Variants in GRIA4 observed in about 807,000 individuals in gnomAD.
The protein encoded by GRIA4 is glutamate ionotropic receptor AMPA type subunit 4, also known as glutamate receptor 4.
A neutral mutation model predicts 104.0 loss-of-function variants in GRIA4; 34 were observed. The observed-to-expected ratio is 0.33, with a 90% CI of 0.25 to 0.44. GRIA4 has a LOEUF of 0.44. GRIA4 is among the 20% of genes least tolerant of loss of function. The probability of loss-of-function intolerance (pLI) is 1.00; values close to 1 mark genes in which losing one functional copy is unlikely to be tolerated. For synonymous variants in GRIA4, 386 were observed against 381.9 expected (o/e 1.01, Z -0.13); for missense variants, 750 against 1,096.5 (o/e 0.68, Z 4.46).
At chr11:105,619,296 A>G (rs747676013) in intron 3 of GRIA4, among the ~76,000 whole-genome samples, 26 of 152,120 alleles carry the variant, frequency 1.7e-4, no homozygotes, top group Non-Finnish European at 2.8e-4. Flanking sequence ...TATATCACAC[A>G]TAAATTTTAT....
intron 4 of GRIA4, among the ~76,000 whole-genome samples, chr11:105,792,472 C>A (rs1942256791): frequency 6.6e-6 from 1 of 151,950 alleles, no homozygotes; most frequent in African/African-American, 2.4e-5. Flanking sequence ...TAAGAAGCAC[C>A]ATTTCTTCAA....
intron 5 of GRIA4, among the ~76,000 whole-genome samples, chr11:105,865,804 C>T (rs1945384276): frequency 6.6e-6 from 1 of 152,148 alleles, no homozygotes; most frequent in South Asian, 2.1e-4. Flanking sequence ...AAAGCAACAA[C>T]AAATCTTATC....
In GRIA4 at chr11:105,924,640, G is replaced by T. The variant is rs1412893129; in HGVS notation, c.1718G>T (p.Trp573Leu). The T allele has an allele frequency of 6.2e-7, 1 of 1,612,980 alleles. No homozygotes were observed. The highest frequency in any genetic ancestry group is 8.5e-7 in the Non-Finnish European group (1 of 1,179,436). ...GTTAGTAGATTTAGTCCATATGAGT[G>T]GCACACAGAAGAGCCAGAGGACGGA... is the stretch of plus-strand genomic sequence containing the variant. ...FLVSRFSPYE[W>L]HTEEPEDGKE... The change falls in exon 12 of 17, where the codon TGG becomes TTG. Residue 573 changes from tryptophan (W) to leucine (L), a missense_variant. By Grantham distance (61) the Trp-to-Leu change is moderately conservative. This residue lies in a region of GRIA4 where 272 missense variants were observed against 524.5 expected (regional missense o/e 0.52). Transcript: ENST00000282499.
intron 5 of GRIA4, among the ~76,000 whole-genome samples, chr11:105,870,656 A>G (rs1413169951): frequency 6.6e-6 from 1 of 152,070 alleles, no homozygotes; most frequent in Non-Finnish European, 1.5e-5. Context: ...GAACAGGGTA[A>G]TAGGAGAGAG....
intron 4 of GRIA4, among the ~76,000 whole-genome samples, chr11:105,856,379 G>A (rs1415803537): frequency 6.6e-6 from 1 of 152,102 alleles, no homozygotes; most frequent in Non-Finnish European, 1.5e-5. Context: ...CACAGCCCAT[G>A]CCAATTCTCC....
intron 3 of GRIA4, among the ~76,000 whole-genome samples, chr11:105,742,864 G>A (rs1051788238): frequency 6.6e-6 from 1 of 152,040 alleles, no homozygotes; most frequent in Non-Finnish European, 1.5e-5. Flanking sequence ...AGCCTCCTGA[G>A]TAGCTGGGAT....
intron 5 of GRIA4, among the ~76,000 whole-genome samples, chr11:105,866,259 G>T (rs1945401478): frequency 6.6e-6 from 1 of 152,056 alleles, no homozygotes; most frequent in Non-Finnish European, 1.5e-5. Flanking sequence ...AGTCAATAAT[G>T]CTGTTTGCAG....
intron 4 of GRIA4, among the ~76,000 whole-genome samples, chr11:105,841,378 T>C (rs1414948663): frequency 2.0e-5 from 3 of 152,204 alleles, no homozygotes; most frequent in Non-Finnish European, 4.4e-5. Context: ...TGTGACCTTG[T>C]GGGCAGAAGG....
At chr11:105,962,240 AT>A (rs1948762330) in intron 14 of GRIA4, among the ~76,000 whole-genome samples, 1 of 152,190 alleles carries the variant, frequency 6.6e-6, no homozygotes, top group Non-Finnish European at 1.5e-5. Context: ...CCAGATCTAT[AT>A]AATTTAATGA....
intron 14 of GRIA4, among the ~76,000 whole-genome samples, chr11:105,957,930 A>C (rs915229456): frequency 6.6e-6 from 1 of 152,170 alleles, no homozygotes; most frequent in African/African-American, 2.4e-5. Context: ...ATTGGTGTAT[A>C]GGAATGCTTG....
At chr11:105,762,026 A>AT (rs68081839) in intron 4 of GRIA4, among the ~76,000 whole-genome samples, 66,014 of 147,078 alleles carry the variant, frequency 0.45, 14,936 homozygotes, top group Middle Eastern at 0.54. Flanking sequence ...AGAAGTCTTA[A>AT]TTTTTTTTTT....
intron 3 of GRIA4, among the ~76,000 whole-genome samples, chr11:105,638,412 T>A (rs1263307849): frequency 1.3e-5 from 2 of 152,188 alleles, no homozygotes; most frequent in Non-Finnish European, 2.9e-5. Flanking sequence ...ATTCTCTAGA[T>A]CATATTGTTT....
At chr11:105,702,993 A>AT (rs1272738810) in intron 3 of GRIA4, among the ~76,000 whole-genome samples, 1 of 152,040 alleles carries the variant, frequency 6.6e-6, no homozygotes, top group Non-Finnish European at 1.5e-5. Flanking sequence ...CAGAAGATAA[A>AT]TTACTTGTCC....
intron 3 of GRIA4, among the ~76,000 whole-genome samples, chr11:105,635,039 G>A (rs1263915442): frequency 1.3e-5 from 2 of 152,082 alleles, no homozygotes; most frequent in East Asian, 3.9e-4. Context: ...TCCAAAACGA[G>A]GCACTAATAA....
chr11:105,844,646 A>C (rs1222292918), intron 4 of GRIA4, among the ~76,000 whole-genome samples: 1 of 152,200 alleles, frequency 6.6e-6, no homozygotes, highest in East Asian at 1.9e-4. Flanking sequence ...TATGTTAAGA[A>C]TTATTTCTCC....
intron 14 of GRIA4, among the ~76,000 whole-genome samples, chr11:105,956,951 G>A (rs1209576246): frequency 2.3e-5 from 2 of 86,970 alleles, no homozygotes; most frequent in African/African-American, 4.8e-5. Flanking sequence ...TTTTTGATGG[G>A]GTTGTTTGAT....
intron 3 of GRIA4, among the ~76,000 whole-genome samples, chr11:105,664,729 T>G (rs1345761243): frequency 2.6e-5 from 4 of 152,028 alleles, no homozygotes; most frequent in Non-Finnish European, 5.9e-5. Context: ...GAGAAATCAC[T>G]TTTGGACCAA....
At chr11:105,705,703 G>A (rs1212984033) in intron 3 of GRIA4, among the ~76,000 whole-genome samples, 2 of 151,898 alleles carry the variant, frequency 1.3e-5, no homozygotes, top group Admixed American at 1.3e-4. Context: ...ATTAAAACAA[G>A]GGCAGTTCCC....
intron 5 of GRIA4, among the ~76,000 whole-genome samples, chr11:105,874,327 G>A (rs1469836117): frequency 6.6e-6 from 1 of 152,138 alleles, no homozygotes; most frequent in Non-Finnish European, 1.5e-5. Flanking sequence ...TAGCTTTGTA[G>A]TATAGTTTTA....
Sources: gnomAD v4.1 joint callset for allele counts (sites outside exome capture counted in the v4.1 genomes callset) on GRCh38, gnomAD v4.1.1 for gene constraint, gnomAD v4.1.1 regional missense constraint, MANE v1.5 for transcripts, NCBI Gene and HGNC (gene_info 2026-07-23, HGNC 2026-07-21) for gene names.